The following PTPRG variants were observed in gnomAD, a reference collection of about 807,000 sequenced individuals.
PTPRG encodes protein tyrosine phosphatase receptor type G.
PTPRG carries 102 observed loss-of-function variants against 165.3 expected under a neutral mutation model. The ratio of observed to expected loss-of-function variants is 0.62; its 90% CI spans 0.53 to 0.73. PTPRG has a LOEUF of 0.73. Among genes scored for constraint, PTPRG ranks in the 30% least tolerant of loss-of-function variants. The pLI, the probability that PTPRG is intolerant of heterozygous loss-of-function variation, is 0.00. For synonymous variants in PTPRG, 675 were observed against 669.5 expected, an observed-to-expected ratio of 1.01 and a Z score of -0.13; for missense variants, 1,866 against 1,861.4, an observed-to-expected ratio of 1.00 and a Z score of -0.05.
chr3:61,623,972 TAGCCTC>T (rs1701536834), intron 1 of PTPRG, among the ~76,000 whole-genome samples: 1 of 152,200 alleles, frequency 6.6e-6, no homozygotes, highest in Non-Finnish European at 1.5e-5. Flanking sequence ...AAAGTTCTGT[TAGCCTC>T]ACTGCCTCCT....
chr3:61,711,487 A>C (rs1299285478), intron 1 of PTPRG, among the ~76,000 whole-genome samples: 1 of 152,120 alleles, frequency 6.6e-6, no homozygotes, highest in Non-Finnish European at 1.5e-5. Flanking sequence ...ATGGTATCTC[A>C]TTGTGGTTTT....
chr3:61,826,566 A>C (rs1370291440), intron 2 of PTPRG, among the ~76,000 whole-genome samples: 3 of 151,600 alleles, frequency 2.0e-5, no homozygotes, highest in Non-Finnish European at 4.4e-5. Flanking sequence ...CCTCTTCCCT[A>C]CTTTTGATGA....
intron 5 of PTPRG, among the ~76,000 whole-genome samples, chr3:62,084,342 A>T (rs766550673): frequency 6.6e-6 from 1 of 152,088 alleles, no homozygotes; most frequent in Non-Finnish European, 1.5e-5. Context: ...CTACTGGGAG[A>T]GTTGAGCTGC....
Position 62,273,757 on chromosome 3 carries a change from A to G in PTPRG, c.3378A>G (p.Glu1126=), listed in dbSNP as rs1345574389. 4 of 1,613,752 alleles carry G rather than the reference A, an allele frequency of 2.5e-6. No homozygotes were observed. The highest frequency in any genetic ancestry group is 3.4e-6 in the Non-Finnish European group (4 of 1,179,684). ...LLEAILGKET[E]VSSNQLHSYV... The stretch of plus-strand genomic sequence containing the variant: ...AAGCCATTCTTGGAAAGGAGACTGA[A>G]GTATCTTCAAATCAGCTGCACAGCT... The change falls in exon 23 of 30, where the codon GAA becomes GAG. Residue 1126 remains glutamate (E), a synonymous_variant. Transcript: ENST00000474889. The surrounding 1 kb of genome is among the most constrained non-coding windows in gnomAD (Gnocchi z 4.1).
chr3:61,849,606 G>A (rs1451622235), intron 2 of PTPRG, among the ~76,000 whole-genome samples: 1 of 152,202 alleles, frequency 6.6e-6, no homozygotes, highest in East Asian at 1.9e-4. Flanking sequence ...AATAGGTGAT[G>A]ATGCAGTGTG....
intron 2 of PTPRG, among the ~76,000 whole-genome samples, chr3:61,925,319 C>A (rs1023500958): frequency 2.6e-5 from 4 of 152,222 alleles, no homozygotes; most frequent in African/African-American, 9.6e-5. Flanking sequence ...TCCTTGTCAC[C>A]TTGTGGGTCC....
At chr3:62,078,601 A>C (rs1427312806) in intron 5 of PTPRG, among the ~76,000 whole-genome samples, 1 of 152,168 alleles carries the variant, frequency 6.6e-6, no homozygotes, top group Admixed American at 6.5e-5. Flanking sequence ...TTTTTGAGCA[A>C]CTTTAAAATT....
At chr3:61,948,704 T>C (rs982509184) in intron 2 of PTPRG, among the ~76,000 whole-genome samples, 1 of 152,110 alleles carries the variant, frequency 6.6e-6, no homozygotes, top group African/African-American at 2.4e-5. Flanking sequence ...GGAGTCTGAC[T>C]TTGGGTACCT....
At chr3:61,965,134 C>T (rs1285910341) in intron 2 of PTPRG, among the ~76,000 whole-genome samples, 1 of 151,472 alleles carries the variant, frequency 6.6e-6, no homozygotes, top group Non-Finnish European at 1.5e-5. Context: ...ATCCCGTCTA[C>T]GTAGGAGTCT....
intron 1 of PTPRG, among the ~76,000 whole-genome samples, chr3:61,702,471 C>G (rs1437875432): frequency 6.6e-6 from 1 of 152,132 alleles, no homozygotes; most frequent in African/African-American, 2.4e-5. Context: ...TTTTACAAAA[C>G]TTTTCATTAA....
intron 2 of PTPRG, among the ~76,000 whole-genome samples, chr3:61,973,491 G>A (rs1168300236): frequency 6.6e-6 from 1 of 152,054 alleles, no homozygotes; most frequent in Non-Finnish European, 1.5e-5. Context: ...CCTATTAATC[G>A]TATTTTTTAT....
At chr3:61,825,243 A>C (rs1404974115) in intron 2 of PTPRG, among the ~76,000 whole-genome samples, 1 of 152,252 alleles carries the variant, frequency 6.6e-6, no homozygotes, top group Non-Finnish European at 1.5e-5. Flanking sequence ...ATTACTAATT[A>C]AGGGAAACCC....
chr3:61,902,316 T>C (rs75776832), intron 2 of PTPRG, among the ~76,000 whole-genome samples: 115 of 152,326 alleles, frequency 7.5e-4, no homozygotes, highest in Non-Finnish European at 1.4e-3. Flanking sequence ...TTCCATTGTA[T>C]GGTTCTTAAT....
chr3:62,208,515 T>C (rs1289528607), intron 12 of PTPRG, among the ~76,000 whole-genome samples: 1 of 152,186 alleles, frequency 6.6e-6, no homozygotes, highest in East Asian at 1.9e-4. Context: ...GACTGCATCT[T>C]CTGGCTCAGC....
chr3:61,995,771 C>G (rs1161413215), intron 3 of PTPRG, among the ~76,000 whole-genome samples: 2 of 139,664 alleles, frequency 1.4e-5, no homozygotes, highest in Non-Finnish European at 3.1e-5. Flanking sequence ...CTCCCTCCTT[C>G]TTTTTCTTTT....
intron 1 of PTPRG, among the ~76,000 whole-genome samples, chr3:61,608,395 G>A (rs1019941370): frequency 3.9e-5 from 6 of 152,196 alleles, no homozygotes; most frequent in African/African-American, 1.2e-4. Context: ...ATCTCACCAC[G>A]TGTGTAATGG....
At chr3:62,049,744 C>A (rs898004734) in intron 4 of PTPRG, among the ~76,000 whole-genome samples, 5 of 152,080 alleles carry the variant, frequency 3.3e-5, no homozygotes, top group Non-Finnish European at 5.9e-5. Flanking sequence ...GGTAGGTCAA[C>A]GGGAATTCAG....
intron 2 of PTPRG, among the ~76,000 whole-genome samples, chr3:61,984,194 G>C (rs769736534): frequency 6.6e-6 from 1 of 152,174 alleles, no homozygotes; most frequent in Non-Finnish European, 1.5e-5. Context: ...ACAGTGACTT[G>C]TGAATGGCAC....
chr3:62,177,354 A>G (rs1219130363), intron 8 of PTPRG, among the ~76,000 whole-genome samples: 1 of 152,192 alleles, frequency 6.6e-6, no homozygotes, highest in Non-Finnish European at 1.5e-5. Context: ...GGCCTTTCAA[A>G]TAAGACTTAT....
Sources: gnomAD v4.1 joint callset for allele counts (sites outside exome capture counted in the v4.1 genomes callset) on GRCh38, gnomAD v4.1.1 for gene constraint, Gnocchi (gnomAD v3.1) non-coding constraint, MANE v1.5 for transcripts, NCBI Gene and HGNC (gene_info 2026-07-23, HGNC 2026-07-21) for gene names.